Variants in TAFA1 observed in about 807,000 individuals in gnomAD.
The protein encoded by TAFA1 is chemokine-like protein TAFA-1.
In TAFA1, 4 loss-of-function variants were observed where a neutral mutation model predicts 18.5. The observed-to-expected ratio is 0.22, with a 90% CI of 0.11 to 0.49. The LOEUF is 0.49. TAFA1 is among the 20% of genes least tolerant of loss of function. The pLI, the probability that TAFA1 is intolerant of heterozygous loss-of-function variation, is 0.98. For synonymous variants in TAFA1, 56 were observed against 55.2 expected, an observed-to-expected ratio of 1.01 and a Z score of -0.06; for missense variants, 147 against 169.0, an observed-to-expected ratio of 0.87 and a Z score of 0.72.
At chr3:68,017,186 C>T (rs1575575442) in intron 2 of TAFA1, among the ~76,000 whole-genome samples, 1 of 152,104 alleles carries the variant, frequency 6.6e-6, no homozygotes. Flanking sequence ...GGAAGCTTCC[C>T]GGATGGGGGT....
At chr3:68,419,408 G>T (rs1378004715) in intron 3 of TAFA1, among the ~76,000 whole-genome samples, 1 of 152,116 alleles carries the variant, frequency 6.6e-6, no homozygotes, top group Non-Finnish European at 1.5e-5. Flanking sequence ...ATAAGCCCTG[G>T]CTTGAATGAC....
intron 2 of TAFA1, among the ~76,000 whole-genome samples, chr3:68,263,091 T>A (rs1350604027): frequency 6.6e-6 from 1 of 152,144 alleles, no homozygotes; most frequent in Non-Finnish European, 1.5e-5. Flanking sequence ...GTTGGAAGTT[T>A]GATTTTATTC....
At chr3:68,379,912 C>T (rs1429530561) in intron 2 of TAFA1, among the ~76,000 whole-genome samples, 1 of 151,934 alleles carries the variant, frequency 6.6e-6, no homozygotes, top group African/African-American at 2.4e-5. Context: ...GCTATCCCTT[C>T]CCCTTCCCCC....
chr3:68,198,914 C>G (rs1026162986), intron 2 of TAFA1, among the ~76,000 whole-genome samples: 21 of 151,410 alleles, frequency 1.4e-4, no homozygotes, highest in African/African-American at 4.1e-4. Context: ...TGGAGCATAC[C>G]TTTGCTGTCA....
intron 2 of TAFA1, among the ~76,000 whole-genome samples, chr3:68,038,288 G>T (rs1705093929): frequency 6.6e-6 from 1 of 152,146 alleles, no homozygotes; most frequent in South Asian, 2.1e-4. Flanking sequence ...TGGAAAAATT[G>T]AGACAGATTA....
intron 2 of TAFA1, among the ~76,000 whole-genome samples, chr3:68,348,737 C>A (rs909149146): frequency 6.6e-6 from 1 of 152,074 alleles, no homozygotes; most frequent in Non-Finnish European, 1.5e-5. Context: ...TTTCTTCCCA[C>A]GCTCCTCCAC....
chr3:68,258,908 C>T (rs2067351376), intron 2 of TAFA1, among the ~76,000 whole-genome samples: 1 of 152,180 alleles, frequency 6.6e-6, no homozygotes, highest in Admixed American at 6.5e-5. Context: ...ACAGATCTCA[C>T]CTAGACCCTT....
intron 2 of TAFA1, among the ~76,000 whole-genome samples, chr3:68,075,227 G>A (rs546310991): frequency 6.6e-6 from 1 of 152,254 alleles, no homozygotes; most frequent in South Asian, 2.1e-4. Context: ...TTGGCACCAG[G>A]GGTAAAATAA....
intron 2 of TAFA1, among the ~76,000 whole-genome samples, chr3:68,360,827 A>G (rs1254899471): frequency 5.3e-5 from 8 of 152,026 alleles, no homozygotes; most frequent in African/African-American, 1.7e-4. Context: ...GCCATGAAAA[A>G]AGTTTGGTAC....
At chr3:68,023,621 C>T (rs975444769) in intron 2 of TAFA1, among the ~76,000 whole-genome samples, 1 of 151,992 alleles carries the variant, frequency 6.6e-6, no homozygotes, top group Non-Finnish European at 1.5e-5. Flanking sequence ...TCTTAGATAT[C>T]CAAGCTTAGA....
intron 2 of TAFA1, among the ~76,000 whole-genome samples, chr3:68,045,240 A>G (rs1705243658): frequency 6.6e-6 from 1 of 152,162 alleles, no homozygotes; most frequent in African/African-American, 2.4e-5. Flanking sequence ...ATAATACAAG[A>G]GACCTCTTAA....
chr3:67,995,596 C>G, the TAFA1 span, among the ~76,000 whole-genome samples: 2 of 152,146 alleles, frequency 1.3e-5, no homozygotes, highest in Non-Finnish European at 2.9e-5. Flanking sequence ...ACCACATGTT[C>G]TCCATTACAC....
chr3:68,125,779 C>T (rs1385967192), intron 2 of TAFA1, among the ~76,000 whole-genome samples: 2 of 152,146 alleles, frequency 1.3e-5, no homozygotes, highest in Non-Finnish European at 2.9e-5. Flanking sequence ...TAGTGCCTGC[C>T]TCGGGGTTAC....
chr3:68,210,367 G>A (rs1162445713), intron 2 of TAFA1, among the ~76,000 whole-genome samples: 2 of 151,954 alleles, frequency 1.3e-5, no homozygotes, highest in Non-Finnish European at 2.9e-5. Flanking sequence ...GGTTATCAGT[G>A]TGAATACACA....
intron 2 of TAFA1, among the ~76,000 whole-genome samples, chr3:68,050,562 A>G (rs1443398231): frequency 2.0e-5 from 3 of 152,126 alleles, no homozygotes; most frequent in Admixed American, 6.6e-5. Flanking sequence ...TACCTGACAT[A>G]TAGTAAGCCC....
intron 2 of TAFA1, among the ~76,000 whole-genome samples, chr3:68,035,199 G>A (rs1430205673): frequency 1.3e-5 from 2 of 152,108 alleles, no homozygotes; most frequent in East Asian, 1.9e-4. Context: ...TATTTCCAGA[G>A]ATCTGTGGGC....
At chr3:68,063,617 G>A (rs1452654127) in intron 2 of TAFA1, among the ~76,000 whole-genome samples, 2 of 152,008 alleles carry the variant, frequency 1.3e-5, no homozygotes, top group Admixed American at 6.6e-5. Flanking sequence ...CTGTTGAAAT[G>A]CAGATGGCTT....
At chr3:68,044,956 T>C (rs1705238090) in intron 2 of TAFA1, among the ~76,000 whole-genome samples, 1 of 152,360 alleles carries the variant, frequency 6.6e-6, no homozygotes, top group South Asian at 2.1e-4. Flanking sequence ...TGTGGAAAGA[T>C]ACCCACAGGA....
chr3:68,204,557 C>T (rs567131733), intron 2 of TAFA1, among the ~76,000 whole-genome samples: 3 of 151,876 alleles, frequency 2.0e-5, no homozygotes, highest in South Asian at 2.1e-4. Context: ...TTCTGAATCA[C>T]GTGCCTTTGC....
Sources: allele counts gnomAD v4.1 joint callset (sites outside exome capture counted in the v4.1 genomes callset), GRCh38; gene constraint gnomAD v4.1.1; transcripts MANE v1.5; gene names NCBI Gene and HGNC (gene_info 2026-07-23, HGNC 2026-07-21).